The following ALMS1 variants were observed in gnomAD, a reference collection of about 807,000 sequenced individuals.
ALMS1 encodes the protein centrosome-associated protein ALMS1.
Under a neutral mutation model 352.2 loss-of-function variants are expected in ALMS1, and 271 were observed. That is an observed-to-expected ratio of 0.77 (90% confidence interval 0.70 to 0.85). ALMS1 has a LOEUF of 0.85. ALMS1 is among the 40% of genes least tolerant of loss of function. The pLI is 0.00. For missense variants in ALMS1, 5,445 were observed against 4,870.7 expected (o/e 1.12, Z -3.51); for synonymous variants, 1,865 against 1,761.2 (o/e 1.06, Z -1.48).
At chr2:73,574,903 C>T (rs1675020840) in intron 16 of ALMS1, among the ~76,000 whole-genome samples, 1 of 152,118 alleles carries the variant, frequency 6.6e-6, no homozygotes, top group South Asian at 2.1e-4. Context: ...AAACCCTGTA[C>T]CCATTAAGCA....
intron 11 of ALMS1, among the ~76,000 whole-genome samples, chr2:73,520,505 G>A (rs1052860967): frequency 2.0e-5 from 3 of 152,144 alleles, no homozygotes; most frequent in African/African-American, 7.2e-5. Context: ...CAGAGACCCA[G>A]GTTGTCTTCT....
chr2:73,419,882 G>A (rs554946159), intron 3 of ALMS1, among the ~76,000 whole-genome samples: 2 of 152,200 alleles, frequency 1.3e-5, no homozygotes, highest in Admixed American at 6.5e-5. Flanking sequence ...ATCATTAAGG[G>A]ATTCAATTAT....
intron 7 of ALMS1, among the ~76,000 whole-genome samples, chr2:73,444,929 G>A (rs1245873692): frequency 6.6e-6 from 1 of 151,876 alleles, no homozygotes; most frequent in East Asian, 1.9e-4. Context: ...TTAATAATTA[G>A]GAACTTATAA....
intron 16 of ALMS1, among the ~76,000 whole-genome samples, chr2:73,596,860 C>CTTTTTT (rs70965740): frequency 3.0e-3 from 314 of 104,210 alleles, no homozygotes; most frequent in Non-Finnish European, 3.7e-3. Context: ...CCCTCTACCT[C>CTTTTTT]TTTTTTTTTT....
chr2:73,491,638 T>G, intron 10 of ALMS1, 140 bp downstream of exon 10: 1 of 887,018 alleles, frequency 1.1e-6, no homozygotes, highest in Non-Finnish European at 1.8e-6. Context: ...TTACTAGAAG[T>G]CTTTCAAGGA....
In ALMS1 at chr2:73,482,325, A is replaced by G. The variant is rs373127802; in HGVS notation, c.7675-7309A>G. Among the ~76,000 whole-genome samples, 8 of 152,276 alleles carry G rather than the reference A, an allele frequency of 5.3e-5. No homozygotes were observed. The East Asian group carries it at 5.8e-4, about 11-fold the overall frequency. On this transcript the variant is annotated intron_variant, in intron 9 of 22. Transcript: ENST00000613296. ...TTTGTCAAAGGCTTTTTCTGCATCTATTGAGAAAATCATGTGGTTTTTGTC... is the reference window on the plus strand; with the variant it reads ...TTTGTCAAAGGCTTTTTCTGCATCTGTTGAGAAAATCATGTGGTTTTTGTC...
chr2:73,499,115 C>T (rs1425564315), intron 10 of ALMS1, among the ~76,000 whole-genome samples: 1 of 152,094 alleles, frequency 6.6e-6, no homozygotes, highest in African/African-American at 2.4e-5. Context: ...TTGTTATTGC[C>T]TGTCTTTTCC....
intron 13 of ALMS1, among the ~76,000 whole-genome samples, chr2:73,556,758 A>C (rs1025244239): frequency 1.3e-5 from 2 of 151,542 alleles, no homozygotes; most frequent in Non-Finnish European, 2.9e-5. Context: ...GCTGGAGTGC[A>C]GTGGCACAGT....
chr2:73,448,452 C>T lies in ALMS1; in HGVS notation c.1925C>T (p.Thr642Ile). ...YQQELPESNL[T>I]EEPLEVSAAP... ...CAAGAGTTACCAGAGAGTAACTTAACCGAAGAGCCTTTGGAAGTTTCAGCT... is the reference window on the plus strand; with the variant it reads ...CAAGAGTTACCAGAGAGTAACTTAATCGAAGAGCCTTTGGAAGTTTCAGCT... Residue 642 changes from threonine (T) to isoleucine (I), a missense_variant, in exon 8 of 23, where the codon ACC becomes ATC. Thr to Ile is a moderately conservative substitution (Grantham distance 89). Coordinates refer to ENST00000613296, the MANE Select transcript of ALMS1 (RefSeq NM_001378454.1). 6.2e-7 allele frequency: 1 copy of T among 1,613,916 alleles called. No homozygotes were observed. Among genetic ancestry groups the T allele is most frequent in the South Asian group, 1.1e-5 (1 of 91,062 alleles).
In ALMS1 at chr2:73,572,695, G is replaced by A. The variant is rs1245526941; in HGVS notation, c.10818G>A (p.Arg3606=). 5.0e-6 allele frequency: 8 copies of A among 1,613,954 alleles called. No individual in the cohort carries two copies. Among genetic ancestry groups the A allele is most frequent in the Non-Finnish European group, 5.9e-6 (7 of 1,180,020 alleles). The change falls in exon 16 of 23, where the codon CGG becomes CGA. Residue 3606 remains arginine (R), a synonymous_variant. Coordinates refer to ENST00000613296, the MANE Select transcript of ALMS1 (RefSeq NM_001378454.1). ...TGAATGAACTGTGGAACAAGTATCGGGAGCGACAGAGGCAACAGAGACAGC... is the reference window on the plus strand; with the variant it reads ...TGAATGAACTGTGGAACAAGTATCGAGAGCGACAGAGGCAACAGAGACAGC... ...VSLNELWNKY[R]ERQRQQRQPE... is the part of the protein sequence containing the mutation.
At chr2:73,589,610 C>T (rs1025755274) in intron 16 of ALMS1, among the ~76,000 whole-genome samples, 1 of 151,996 alleles carries the variant, frequency 6.6e-6, no homozygotes, top group Admixed American at 6.5e-5. Flanking sequence ...AAAGGTGTAC[C>T]ATTATTTTTG....
At position 73,606,297 on chromosome 2, in the gene ALMS1, A is replaced by G. The variant is rs553407393; in HGVS notation, c.12363-2178A>G. Among the ~76,000 whole-genome samples, 4 of 152,318 alleles carry G rather than the reference A, an allele frequency of 2.6e-5. No homozygotes were observed. In the South Asian group the frequency reaches 8.3e-4, roughly 32 times the overall value. On this transcript the variant is annotated intron_variant, in intron 21 of 22. Transcript: ENST00000613296. ...AGATAAAACCTACATTGGGATCTTC[A>G]GCATTTGGGAGTGTGAAGGGGGCCC...
Position 73,585,384 on chromosome 2 carries a change from A to T in ALMS1, c.11547+11960A>T, listed in dbSNP as rs1675286834. On this transcript the variant is annotated intron_variant, in intron 16 of 22. Transcript: ENST00000613296. ...ATTTGCATTTCCCTTACAATTAATG[A>T]TGATGAGCTTTTTTTTTTTTTTTTT... 8.2e-5 allele frequency among the ~76,000 whole-genome samples: 12 copies of T among 146,004 alleles called. No homozygotes were observed. The South Asian group carries it at 2.4e-3, about 29-fold the overall frequency.
chr2:73,584,969 A>G (rs978620917), intron 16 of ALMS1, among the ~76,000 whole-genome samples: 7 of 152,124 alleles, frequency 4.6e-5, no homozygotes, highest in African/African-American at 1.7e-4. Context: ...ATTCCTTTTT[A>G]TGGCTGAGTA....
chr2:73,568,042 A>G (rs1404757685), intron 15 of ALMS1, among the ~76,000 whole-genome samples: 2 of 152,192 alleles, frequency 1.3e-5, no homozygotes. Flanking sequence ...ATGACAGCCT[A>G]AAAGGAAAAC....
intron 9 of ALMS1, among the ~76,000 whole-genome samples, chr2:73,479,204 T>C (rs971851369): frequency 2.0e-5 from 3 of 152,222 alleles, no homozygotes; most frequent in Non-Finnish European, 2.9e-5. Flanking sequence ...ATAAATAATA[T>C]AGAGATATCA....
In ALMS1 at chr2:73,572,529, A is replaced by G. The variant is rs868744829; in HGVS notation, c.10652A>G (p.Asn3551Ser). The change falls in exon 16 of 23, where the codon AAT (asparagine) becomes AGT (serine). Residue 3551 changes from asparagine to serine, a missense_variant. Transcript: ENST00000613296. ...DYTRIKSLSI[N>S]VNLGNKEVMD... The stretch of plus-strand genomic sequence containing the variant: ...ACCAGAATAAAGAGCCTCAGCATCA[A>G]TGTGAATTTGGGAAACAAAGAAGTG... 5.0e-6 allele frequency: 8 copies of G among 1,613,824 alleles called. No homozygotes were observed. The highest frequency in any genetic ancestry group is 1.1e-5 in the South Asian group (1 of 91,038).
chr2:73,478,506 C>T (rs1040747565), intron 9 of ALMS1, among the ~76,000 whole-genome samples: 2 of 152,046 alleles, frequency 1.3e-5, no homozygotes, highest in Non-Finnish European at 2.9e-5. Context: ...TTCTCAAATT[C>T]GGATATTTGC....
rs754619355 is a variant in ALMS1, at chr2:73,448,517, G to A, written c.1990G>A (p.Val664Ile). ...PVEQKTGIPTVSSTSHSHVED... is the reference protein window; with the variant it reads ...PVEQKTGIPTISSTSHSHVED... ...GGAGCAGAAGACGGGAATACCTACA[G>A]TATCCTCTACATCCCACTCACATGT... Residue 664 changes from valine (V) to isoleucine (I), a missense_variant, in exon 8 of 23, where the codon GTA becomes ATA. Val to Ile is a conservative substitution (Grantham distance 29). Transcript: ENST00000613296. 2 of 1,613,880 alleles carry A rather than the reference G, an allele frequency of 1.2e-6. No homozygotes were observed. The highest frequency in any genetic ancestry group is 8.5e-7 in the Non-Finnish European group (1 of 1,179,878).
Sources: allele counts gnomAD v4.1 joint callset (sites outside exome capture counted in the v4.1 genomes callset), GRCh38; gene constraint gnomAD v4.1.1; transcripts MANE v1.5; gene names NCBI Gene and HGNC (gene_info 2026-07-23, HGNC 2026-07-21).